Variants in SYN3 observed in about 807,000 individuals in gnomAD.
SYN3 encodes synapsin-3.
In SYN3, 35 loss-of-function variants were observed where a neutral mutation model predicts 65.8. The observed-to-expected ratio is 0.53, with a 90% CI of 0.41 to 0.70. The LOEUF is 0.70. Among genes scored for constraint, SYN3 ranks in the 30% least tolerant of loss-of-function variants. The pLI is 0.00. For missense variants in SYN3, 680 were observed against 749.0 expected, an observed-to-expected ratio of 0.91 and a Z score of 1.08; for synonymous variants, 270 against 292.9, an observed-to-expected ratio of 0.92 and a Z score of 0.80.
At chr22:32,542,146 T>C (rs2058266074) in intron 7 of SYN3, among the ~76,000 whole-genome samples, 1 of 152,164 alleles carries the variant, frequency 6.6e-6, no homozygotes, top group South Asian at 2.1e-4. Flanking sequence ...ATTTTTAGCC[T>C]GAATTTTCTG....
chr22:32,544,889 CG>C (rs1377262504), intron 7 of SYN3, among the ~76,000 whole-genome samples: 1 of 152,188 alleles, frequency 6.6e-6, no homozygotes, highest in East Asian at 1.9e-4. Context: ...TGGGCTACCT[CG>C]GAAGTGTCTA....
At chr22:32,601,098 T>C (rs760751079) in intron 6 of SYN3, among the ~76,000 whole-genome samples, 1 of 152,230 alleles carries the variant, frequency 6.6e-6, no homozygotes, top group Non-Finnish European at 1.5e-5. Flanking sequence ...ATTGGAGGAA[T>C]GTGTTCATTG....
intron 6 of SYN3, among the ~76,000 whole-genome samples, chr22:32,754,797 A>G (rs1354569163): frequency 6.6e-6 from 1 of 152,246 alleles, no homozygotes; most frequent in African/African-American, 2.4e-5. Flanking sequence ...ACCCTTGTCC[A>G]AAGTCTCCAG....
intron 7 of SYN3, among the ~76,000 whole-genome samples, chr22:32,542,430 A>G (rs2858335): frequency 0.92 from 139,602 of 151,986 alleles, 64,285 homozygotes; most frequent in East Asian, 1. Flanking sequence ...TTCTTTGTGT[A>G]TTCATATGTG....
chr22:33,028,902 T>G (rs2053696665), intron 1 of SYN3, among the ~76,000 whole-genome samples: 1 of 151,782 alleles, frequency 6.6e-6, no homozygotes. Context: ...TAGCCGGGCG[T>G]GGTGGCGGGC....
At chr22:32,968,808 T>G (rs1277457972) in intron 3 of SYN3, among the ~76,000 whole-genome samples, 2 of 152,094 alleles carry the variant, frequency 1.3e-5, no homozygotes, top group Non-Finnish European at 2.9e-5. Flanking sequence ...TCGCAACACA[T>G]TTTGGCCACT....
At chr22:32,782,620 T>A (rs2046098349) in intron 6 of SYN3, among the ~76,000 whole-genome samples, 1 of 150,904 alleles carries the variant, frequency 6.6e-6, no homozygotes, top group Non-Finnish European at 1.5e-5. Context: ...TAGGTTCAAG[T>A]GATTCTTCCA....
intron 3 of SYN3, among the ~76,000 whole-genome samples, chr22:32,979,137 C>T (rs1284532551): frequency 6.7e-6 from 1 of 148,648 alleles, no homozygotes; most frequent in East Asian, 2.0e-4. Flanking sequence ...ACAGAGGTTG[C>T]AGTTCACTCC....
At chr22:32,901,505 G>A (rs886396746) in intron 4 of SYN3, among the ~76,000 whole-genome samples, 2 of 152,064 alleles carry the variant, frequency 1.3e-5, no homozygotes, top group African/African-American at 4.8e-5. Context: ...TTCCCTCACT[G>A]CACAGCTCAC....
chr22:32,796,334 G>A (rs2046427067), intron 6 of SYN3, among the ~76,000 whole-genome samples: 1 of 152,112 alleles, frequency 6.6e-6, no homozygotes, highest in Non-Finnish European at 1.5e-5. Flanking sequence ...GTGTTTTCTG[G>A]CTTAAAAACA....
intron 1 of SYN3, chr22:33,057,564 A>G (rs1344774771): frequency 2.6e-5 from 4 of 152,500 alleles, no homozygotes; most frequent in African/African-American, 9.7e-5. Flanking sequence ...TGGCTTCCTC[A>G]CCGTCCTCTT....
chr22:32,831,816 A>G (rs2047581718), intron 6 of SYN3, among the ~76,000 whole-genome samples: 1 of 152,142 alleles, frequency 6.6e-6, no homozygotes, highest in Non-Finnish European at 1.5e-5. Context: ...TCTTGGCTGG[A>G]CTGTCAGCCT....
intron 4 of SYN3, among the ~76,000 whole-genome samples, chr22:32,881,702 A>G (rs1314336522): frequency 2.6e-5 from 4 of 152,054 alleles, no homozygotes; most frequent in African/African-American, 9.7e-5. Flanking sequence ...AGAGTGGGTG[A>G]GCTTTCTTTA....
intron 6 of SYN3, among the ~76,000 whole-genome samples, chr22:32,834,470 C>T (rs926177592): frequency 7.9e-5 from 12 of 152,090 alleles, no homozygotes; most frequent in Admixed American, 5.9e-4. Flanking sequence ...GCCAAGCCCA[C>T]CTTTTGATAG....
At chr22:33,055,964 C>T (rs2054248064) in intron 1 of SYN3, among the ~76,000 whole-genome samples, 1 of 152,108 alleles carries the variant, frequency 6.6e-6, no homozygotes, top group South Asian at 2.1e-4. Flanking sequence ...AATGAAAGCA[C>T]TTTGGAAAGT....
At chr22:32,679,377 T>A (rs1168879296) in intron 6 of SYN3, among the ~76,000 whole-genome samples, 1 of 152,186 alleles carries the variant, frequency 6.6e-6, no homozygotes, top group Non-Finnish European at 1.5e-5. Flanking sequence ...TCCATTCATC[T>A]GTCGATGGAC....
At chr22:33,029,063 T>G (rs2053701794) in intron 1 of SYN3, among the ~76,000 whole-genome samples, 1 of 150,548 alleles carries the variant, frequency 6.6e-6, no homozygotes, top group Non-Finnish European at 1.5e-5. Flanking sequence ...AATCAGGCAC[T>G]GCTCAGACAG....
At chr22:32,678,572 C>T (rs1269341686) in intron 6 of SYN3, among the ~76,000 whole-genome samples, 1 of 151,440 alleles carries the variant, frequency 6.6e-6, no homozygotes, top group Non-Finnish European at 1.5e-5. Context: ...CCTCCTTCCT[C>T]CTCCTCTCCT....
chr22:32,934,026 C>T (rs1259980580), intron 3 of SYN3, among the ~76,000 whole-genome samples: 1 of 151,944 alleles, frequency 6.6e-6, no homozygotes, highest in Non-Finnish European at 1.5e-5. Context: ...TGTGGCAAGG[C>T]GAAAAGATCA....
Sources: gnomAD v4.1 joint callset for allele counts (sites outside exome capture counted in the v4.1 genomes callset) on GRCh38, gnomAD v4.1.1 for gene constraint, MANE v1.5 for transcripts, NCBI Gene and HGNC (gene_info 2026-07-23, HGNC 2026-07-21) for gene names.